MTMR8: variants seen among roughly 807,000 people sequenced by gnomAD.
MTMR8 encodes phosphatidylinositol-3,5-bisphosphate 3-phosphatase MTMR8.
In MTMR8, 65 loss-of-function variants were observed where a neutral mutation model predicts 39.3. That is an observed-to-expected ratio of 1.65 (90% CI 1.35 to 2.03). The LOEUF (loss-of-function observed/expected upper bound fraction) is 2.03, where lower values mean the gene tolerates loss of function less well. MTMR8 is among the 30% of genes most tolerant of loss of function. The probability of loss-of-function intolerance (pLI) is 0.00; values close to 1 mark genes in which losing one functional copy is unlikely to be tolerated. For synonymous variants in MTMR8, 245 were observed against 185.2 expected, an observed-to-expected ratio of 1.32 and a Z score of -2.62; for missense variants, 777 against 538.9, an observed-to-expected ratio of 1.44 and a Z score of -4.37.
intron 12 of MTMR8, 101 bp from the exon 13 acceptor site, chrX:64,271,174 G>A: frequency 1.2e-6 from 1 of 867,911 alleles, no homozygotes; most frequent in Non-Finnish European, 1.6e-6. Context: ...TTAGTAGGTG[G>A]GAAAATCTCA....
rs1931691738 is a variant in MTMR8, at chrX:64,268,843, G to A, written c.1809C>T (p.Ser603=). The change falls in exon 14 of 14, where the codon AGC becomes AGT. Residue 603 remains serine (S), a synonymous_variant. Transcript: ENST00000374852. ...AGTTATGGTGGAGGTCTGCACCCTG[G>A]CTTTTTACTTGATCCATCTGAGCTC... ...GLRAQMDQVK[S]QGADLHHNCC... 3 of 1,211,656 alleles carry A rather than the reference G, an allele frequency of 2.5e-6. No homozygotes were observed. Among genetic ancestry groups the A allele is most frequent in the Non-Finnish European group, 3.4e-6 (3 of 895,484 alleles).
intron 12 of MTMR8, among the ~76,000 whole-genome samples, chrX:64,285,535 ACAC>A (rs1921133470): frequency 8.9e-6 from 1 of 111,794 alleles, no homozygotes; most frequent in Admixed American, 9.5e-5. Flanking sequence ...TCTCAGCACC[ACAC>A]CACACCTATT....
chrX:64,363,777 G>A (rs1159267922), intron 1 of MTMR8, among the ~76,000 whole-genome samples: 1 of 111,644 alleles, frequency 9.0e-6, no homozygotes, highest in Non-Finnish European at 1.9e-5. Flanking sequence ...AGCTGAAGCA[G>A]GGTGGGGCAT....
At chrX:64,282,081 C>T (rs1932028306) in intron 12 of MTMR8, among the ~76,000 whole-genome samples, 1 of 110,901 alleles carries the variant, frequency 9.0e-6, no homozygotes, top group Admixed American at 9.7e-5. Flanking sequence ...CAGATGCTGG[C>T]AAGGCTGGGG....
intron 10 of MTMR8, among the ~76,000 whole-genome samples, chrX:64,332,727 C>T (rs1922976086): frequency 8.9e-6 from 1 of 111,804 alleles, no homozygotes; most frequent in African/African-American, 3.3e-5. Flanking sequence ...AGATGACTTA[C>T]ACTAGCTCAA....
intron 1 of MTMR8, among the ~76,000 whole-genome samples, chrX:64,368,467 C>A (rs184390580): frequency 1.8e-5 from 2 of 111,430 alleles, no homozygotes; most frequent in Non-Finnish European, 3.8e-5. Flanking sequence ...CATCTAGAAC[C>A]ATCTGATCTT....
At chrX:64,387,476 AG>A (rs1924589426) in intron 1 of MTMR8, among the ~76,000 whole-genome samples, 1 of 111,029 alleles carries the variant, frequency 9.0e-6, no homozygotes, top group Non-Finnish European at 1.9e-5. Flanking sequence ...CTTCCTCTAT[AG>A]TATGTCTCCC....
At chrX:64,366,605 C>T (rs972581640) in intron 1 of MTMR8, among the ~76,000 whole-genome samples, 1 of 111,956 alleles carries the variant, frequency 8.9e-6, no homozygotes, top group Non-Finnish European at 1.9e-5. Flanking sequence ...ACATTTAAAG[C>T]AGTGTGTAGA....
At chrX:64,369,327 C>A (rs547255500) in intron 1 of MTMR8, among the ~76,000 whole-genome samples, 13 of 111,674 alleles carry the variant, frequency 1.2e-4, no homozygotes, top group African/African-American at 2.0e-4. Flanking sequence ...GTGTTTATTG[C>A]GGCACTATTC....
At chrX:64,282,702 T>A (rs1456330054) in intron 12 of MTMR8, among the ~76,000 whole-genome samples, 1 of 110,710 alleles carries the variant, frequency 9.0e-6, no homozygotes, top group Non-Finnish European at 1.9e-5. Flanking sequence ...ACCAAAAGAA[T>A]AAAAATGGAT....
chrX:64,302,515 T>C (rs1180662805), intron 12 of MTMR8, among the ~76,000 whole-genome samples: 1 of 111,771 alleles, frequency 8.9e-6, no homozygotes, highest in East Asian at 2.8e-4. Context: ...AATGCAGAAA[T>C]CACCCGTCTT....
At chrX:64,278,413 CTG>C (rs1299972409) in intron 12 of MTMR8, among the ~76,000 whole-genome samples, 4 of 78,116 alleles carry the variant, frequency 5.1e-5, no homozygotes, top group African/African-American at 2.0e-4. Flanking sequence ...GATGGGGTTT[CTG>C]TGTGGATGTC....
intron 12 of MTMR8, among the ~76,000 whole-genome samples, chrX:64,313,747 A>G (rs192963354): frequency 1.8e-5 from 2 of 112,502 alleles, no homozygotes; most frequent in African/African-American, 3.2e-5. Flanking sequence ...AGATGGAGCA[A>G]TTATCTTCAT....
chrX:64,347,134 A>T (rs894883268), intron 6 of MTMR8, among the ~76,000 whole-genome samples: 50 of 111,111 alleles, frequency 4.5e-4, no homozygotes, highest in Middle Eastern at 4.6e-3. Context: ...TCAGTATAAT[A>T]TAGTTCCTAC....
At chrX:64,335,239 C>A (rs1371737352) in intron 10 of MTMR8, among the ~76,000 whole-genome samples, 1 of 110,449 alleles carries the variant, frequency 9.1e-6, no homozygotes, top group Non-Finnish European at 1.9e-5. Context: ...TCAAGTGATT[C>A]TCCTACCTCT....
intron 1 of MTMR8, among the ~76,000 whole-genome samples, chrX:64,364,715 G>C (rs1259324220): frequency 1.8e-5 from 2 of 111,691 alleles, no homozygotes; most frequent in African/African-American, 6.5e-5. Flanking sequence ...TCCTCCAAAG[G>C]ACTGCAGCTC....
In MTMR8 at chrX:64,336,131, T is replaced by C. The variant is rs1223809804; in HGVS notation, c.1102-3A>G. ...ATCCATTCCTTCTCTATCAAGATCT[T>C]CATTTTATAGAAAAGAAAGTGTTTG... On this transcript the variant is annotated splice_region_variant and splice_polypyrimidine_tract_variant and intron_variant, in intron 9 of 13. Coordinates refer to ENST00000374852, the MANE Select transcript of MTMR8 (RefSeq NM_017677.4). 2.5e-6 allele frequency: 3 copies of C among 1,177,237 alleles called. No individual in the cohort carries two copies. The highest frequency in any genetic ancestry group is 3.4e-6 in the Non-Finnish European group (3 of 873,606).
chrX:64,376,643 T>C lies in MTMR8; in HGVS notation c.25-17116A>G, dbSNP rs180800875. 1.2e-4 allele frequency among the ~76,000 whole-genome samples: 13 copies of C among 112,371 alleles called. No homozygotes were observed. In the East Asian group the frequency reaches 3.1e-3, roughly 27 times the overall value. ...AAAGAGATAATCTGAAACTCTAACT[T>C]ATATTTAAAAGAGAAGCACAGCATA... On this transcript the variant is annotated intron_variant, in intron 1 of 13. Coordinates refer to ENST00000374852, the MANE Select transcript of MTMR8 (RefSeq NM_017677.4).
At chrX:64,300,406 T>A (rs1468798388) in intron 12 of MTMR8, among the ~76,000 whole-genome samples, 1 of 111,447 alleles carries the variant, frequency 9.0e-6, no homozygotes, top group Non-Finnish European at 1.9e-5. Context: ...AAACCCTGCC[T>A]TTTTTTGTTT....
Sources: gnomAD v4.1 joint callset for allele counts (sites outside exome capture counted in the v4.1 genomes callset) on GRCh38, gnomAD v4.1.1 for gene constraint, MANE v1.5 for transcripts, NCBI Gene and HGNC (gene_info 2026-07-23, HGNC 2026-07-21) for gene names.